The following RBM19 variants were observed in gnomAD, a reference collection of about 807,000 sequenced individuals.
RBM19 encodes probable RNA-binding protein 19.
Under a neutral mutation model 116.8 loss-of-function variants are expected in RBM19, and 94 were observed. The ratio of observed to expected loss-of-function variants is 0.80; its 90% CI spans 0.68 to 0.95. The LOEUF (loss-of-function observed/expected upper bound fraction) is 0.95. Among genes scored for constraint, RBM19 ranks in the 40% least tolerant of loss-of-function variants. RBM19 has a pLI of 0.00. For synonymous variants in RBM19, 475 were observed against 494.1 expected (o/e 0.96, Z 0.51); for missense variants, 1,161 against 1,220.7 (o/e 0.95, Z 0.73).
chr12:113,896,373 TC>T (rs1881326019), intron 21 of RBM19, among the ~76,000 whole-genome samples: 1 of 152,144 alleles, frequency 6.6e-6, no homozygotes, highest in African/African-American at 2.4e-5. Context: ...ATTTCTGGGC[TC>T]GGGGGCATGT....
At chr12:113,872,035 G>A (rs1256679583) in intron 21 of RBM19, among the ~76,000 whole-genome samples, 2 of 147,402 alleles carry the variant, frequency 1.4e-5, no homozygotes, top group African/African-American at 2.5e-5. Context: ...AGTCTGGAAA[G>A]TGAGGAGCGT....
At chr12:113,846,712 T>C (rs1260524055) in intron 22 of RBM19, among the ~76,000 whole-genome samples, 3 of 152,136 alleles carry the variant, frequency 2.0e-5, no homozygotes, top group East Asian at 3.9e-4. Flanking sequence ...GACACATTTC[T>C]GGATTTTTAA....
intron 21 of RBM19, among the ~76,000 whole-genome samples, chr12:113,899,175 T>C (rs1881523872): frequency 6.6e-6 from 1 of 152,228 alleles, no homozygotes. Context: ...TCGTTGGGAA[T>C]TCCCTTACTT....
intron 12 of RBM19, 117 bp downstream of exon 12, chr12:113,946,237 G>T: frequency 1.5e-6 from 2 of 1,377,874 alleles, no homozygotes; most frequent in South Asian, 1.3e-5. Flanking sequence ...ACTGAAGCTC[G>T]GTAAGGTATG....
Position 113,858,790 on chromosome 12 carries a change from C to T in RBM19, c.2664+1G>A, listed in dbSNP as rs1465512037. 1.9e-6 allele frequency: 3 copies of T among 1,613,800 alleles called. No homozygotes were observed. Among genetic ancestry groups the T allele is most frequent in the South Asian group, 1.1e-5 (1 of 91,072 alleles). On this transcript the variant is annotated splice_donor_variant, in intron 22 of 23. Transcript: ENST00000261741. LOFTEE classifies it high-confidence loss of function. ...GGTGGGGAAGGGATTCACGGTCTCA[C>T]CTTCGCATCCTGCTTGGTGAGGAAG... is the stretch of plus-strand genomic sequence containing the variant.
intron 21 of RBM19, among the ~76,000 whole-genome samples, chr12:113,869,844 C>T (rs1391390421): frequency 1.3e-5 from 2 of 152,290 alleles, no homozygotes; most frequent in East Asian, 3.9e-4. Context: ...CCAGAAACTC[C>T]AAGAGGAGAT....
chr12:113,955,019 G>C, intron 7 of RBM19, 112 bp downstream of exon 7: 3 of 1,055,580 alleles, frequency 2.8e-6, no homozygotes, highest in Non-Finnish European at 1.4e-6. Context: ...ATTCCTTCCA[G>C]CTCATGTCCT....
At position 113,948,907 on chromosome 12, in the gene RBM19, G is replaced by A; in HGVS notation, c.1202C>T (p.Ser401Phe). ...CAGGTTCCGTACAAAGAGCCTTCCG[G>A]ATTCGGCCAGGTCCTCCTCCTCTTC... ...ENEEEEDLAE[S>F]GRLFVRNLPY... Residue 401 changes from serine (S) to phenylalanine (F), a missense_variant, in exon 10 of 24, where the codon TCC (serine) becomes TTC (phenylalanine). By Grantham distance (155) the Ser-to-Phe change is radical. Coordinates refer to ENST00000261741, the MANE Select transcript of RBM19 (RefSeq NM_016196.4). 1 of 1,614,206 alleles carries A rather than the reference G, an allele frequency of 6.2e-7. No homozygotes were observed. Among genetic ancestry groups the A allele is most frequent in the East Asian group, 2.2e-5 (1 of 44,876 alleles).
chr12:113,943,034 C>T (rs1402894645), intron 13 of RBM19, among the ~76,000 whole-genome samples: 3 of 152,280 alleles, frequency 2.0e-5, no homozygotes, highest in Non-Finnish European at 4.4e-5. Context: ...CTCATCTCAC[C>T]GCAGGGCTCC....
In RBM19 at chr12:113,959,873, G is replaced by C. The variant is rs149741620; in HGVS notation, c.370C>G (p.Leu124Val). 54 of 1,614,100 alleles carry C rather than the reference G, an allele frequency of 3.3e-5. No homozygotes were observed. The African/African-American group carries it at 5.7e-4, about 17-fold the overall frequency. ...CAACAGGACAGACTCACCTTCTCCA[G>C]TTGACCTGCCACCTTTTTCTTCTTC... ...DEKKKKVAGQLEKLKEDTEFQ... is the reference protein window; with the variant it reads ...DEKKKKVAGQVEKLKEDTEFQ... The change falls in exon 4 of 24, where the codon CTG becomes GTG. Residue 124 changes from leucine to valine, a missense_variant. Transcript: ENST00000261741.
downstream of RBM19, among the ~76,000 whole-genome samples, chr12:113,818,763 G>A (rs1874226999): frequency 6.6e-6 from 1 of 152,174 alleles, no homozygotes; most frequent in South Asian, 2.1e-4. Context: ...TTTGGAGTCA[G>A]GGCCTGTGCA....
At position 113,948,920 on chromosome 12, in the gene RBM19, C is replaced by A; in HGVS notation, c.1189G>T (p.Asp397Tyr). The change falls in exon 10 of 24, where the codon GAC (aspartate) becomes TAC (tyrosine). Residue 397 changes from aspartate to tyrosine, a missense_variant. Asp to Tyr is a radical substitution (Grantham distance 160). Coordinates refer to ENST00000261741, the MANE Select transcript of RBM19 (RefSeq NM_016196.4). ...AAGAGCCTTCCGGATTCGGCCAGGTCCTCCTCCTCTTCGTTCTCCCCGAGT... is the reference window on the plus strand; with the variant it reads ...AAGAGCCTTCCGGATTCGGCCAGGTACTCCTCCTCTTCGTTCTCCCCGAGT... ...RILGENEEEEDLAESGRLFVR... is the reference protein window; with the variant it reads ...RILGENEEEEYLAESGRLFVR... The A allele has an allele frequency of 6.2e-7, 1 of 1,614,210 alleles. No individual in the cohort carries two copies. The highest frequency in any genetic ancestry group is 8.5e-7 in the Non-Finnish European group (1 of 1,180,040).
chr12:113,858,413 C>A (rs1282432855), intron 22 of RBM19, among the ~76,000 whole-genome samples: 3 of 152,182 alleles, frequency 2.0e-5, no homozygotes, highest in Non-Finnish European at 4.4e-5. Flanking sequence ...CTCCAAGCGC[C>A]CTGCCCTCTC....
At chr12:113,920,862 G>A (rs1264751945) in intron 18 of RBM19, among the ~76,000 whole-genome samples, 172 bp from the exon 19 acceptor site, 2 of 151,980 alleles carry the variant, frequency 1.3e-5, no homozygotes, top group African/African-American at 4.8e-5. Flanking sequence ...TAGTCATCTT[G>A]ACGAATCAGC....
chr12:113,946,869 G>C (rs1327671435), intron 11 of RBM19, among the ~76,000 whole-genome samples: 1 of 152,252 alleles, frequency 6.6e-6, no homozygotes, highest in Non-Finnish European at 1.5e-5. Flanking sequence ...ATGAATGAAT[G>C]AGAAAAGGAA....
At position 113,858,953 on chromosome 12, in the gene RBM19, G is replaced by A. The variant is rs772265491; in HGVS notation, c.2559-57C>T. On this transcript the variant is annotated intron_variant, in intron 21 of 23. Transcript: ENST00000261741. Reference sequence around the variant, plus strand: ...AGAATAGAGGCCCGCAAGGGAGGTCGGGAAGGCAGGACTGATTCTCACATG... The same window carrying A: ...AGAATAGAGGCCCGCAAGGGAGGTCAGGAAGGCAGGACTGATTCTCACATG... 5.4e-5 allele frequency: 80 copies of A among 1,489,300 alleles called. 1 individual carries two copies. The highest frequency in any genetic ancestry group is 5.1e-4 in the Middle Eastern group (3 of 5,844). 92.3% of individuals were successfully genotyped at this position (1,489,300 alleles called of 1,614,324 possible). A position where few individuals can be genotyped will look rare whatever the true frequency, so the allele number is the denominator to read the frequency against.
At position 113,915,120 on chromosome 12, in the gene RBM19, G is replaced by A. The variant is rs372726173; in HGVS notation, c.2442-35C>T. 7.8e-5 allele frequency: 120 copies of A among 1,539,052 alleles called. No homozygotes were observed. In the African/African-American group the frequency reaches 1.6e-3, roughly 20 times the overall value. On this transcript the variant is annotated intron_variant, in intron 20 of 23. Transcript: ENST00000261741. ...TGGGGGGAGAGGGTCCAAGTTATTC[G>A]GAGCTTCAGCAGCTCCTGCCCAACA...
At chr12:113,886,259 A>G (rs1274488967) in intron 21 of RBM19, among the ~76,000 whole-genome samples, 3 of 152,086 alleles carry the variant, frequency 2.0e-5, no homozygotes, top group Admixed American at 1.3e-4. Context: ...CAGCCTCCAG[A>G]GTAGTTGGGA....
At chr12:113,920,991 G>A (rs1868508432) in intron 18 of RBM19, among the ~76,000 whole-genome samples, 1 of 152,200 alleles carries the variant, frequency 6.6e-6, no homozygotes, top group South Asian at 2.1e-4. Context: ...ACCTAAGAGA[G>A]ATGACCATCA....
Sources: allele counts gnomAD v4.1 joint callset (sites outside exome capture counted in the v4.1 genomes callset), GRCh38; gene constraint gnomAD v4.1.1; transcripts MANE v1.5; gene names NCBI Gene and HGNC (gene_info 2026-07-23, HGNC 2026-07-21).